The following DNM3 variants were observed in gnomAD, a reference collection of about 807,000 sequenced individuals.
DNM3 encodes the protein dynamin 3.
A neutral mutation model predicts 101.6 loss-of-function variants in DNM3; 47 were observed. The observed-to-expected ratio is 0.46, with a 90% CI of 0.37 to 0.59. The LOEUF is 0.59. Among genes scored for constraint, DNM3 ranks in the 20% least tolerant of loss-of-function variants. The pLI, the probability that DNM3 is intolerant of heterozygous loss-of-function variation, is 0.00. For missense variants in DNM3, 849 were observed against 1,085.7 expected, an observed-to-expected ratio of 0.78 and a Z score of 3.06; for synonymous variants, 385 against 387.9, an observed-to-expected ratio of 0.99 and a Z score of 0.09.
chr1:172,305,028 A>C (rs2064717005), intron 15 of DNM3, among the ~76,000 whole-genome samples: 1 of 152,242 alleles, frequency 6.6e-6, no homozygotes, highest in Admixed American at 6.5e-5. Flanking sequence ...GAAATAACTA[A>C]GATCAGAGCA....
At chr1:171,936,350 C>CAAAAA (rs2041420308) in intron 2 of DNM3, among the ~76,000 whole-genome samples, 1 of 92,944 alleles carries the variant, frequency 1.1e-5, no homozygotes, top group Non-Finnish European at 2.2e-5. Context: ...GACTCTGTCT[C>CAAAAA]AAAAAAAGAA....
At chr1:172,042,938 G>A (rs545578651) in intron 8 of DNM3, among the ~76,000 whole-genome samples, 25 of 152,262 alleles carry the variant, frequency 1.6e-4, no homozygotes, top group African/African-American at 5.8e-4. Context: ...CCAAGAGAGT[G>A]AGGAGAACAG....
chr1:172,234,773 G>A (rs1367929895), intron 14 of DNM3, among the ~76,000 whole-genome samples: 2 of 152,046 alleles, frequency 1.3e-5, no homozygotes, highest in Non-Finnish European at 1.5e-5. Context: ...TTAATAAATG[G>A]TGCTGGGAAA....
Position 172,407,493 on chromosome 1 carries a change from G to A in DNM3, c.2523-279G>A, listed in dbSNP as rs550017263. Among the ~76,000 whole-genome samples the A allele has an allele frequency of 5.9e-5, 9 of 152,042 alleles. No homozygotes were observed. In the South Asian group the frequency reaches 6.2e-4, roughly 11 times the overall value. ...CTATTGGCTAAGATATGTGCAGTAC[G>A]TTTCAGATGGCTTTCAAATAGTTTC... On this transcript the variant is annotated intron_variant, in intron 20 of 20. Coordinates refer to ENST00000627582, the MANE Select transcript of DNM3 (RefSeq NM_015569.5).
chr1:172,162,544 CT>C (rs1241431234), intron 14 of DNM3, among the ~76,000 whole-genome samples: 2 of 151,988 alleles, frequency 1.3e-5, no homozygotes, highest in Non-Finnish European at 2.9e-5. Flanking sequence ...TGTATTTCTC[CT>C]GCTTTAAACG....
At chr1:172,198,901 A>G (rs2060052078) in intron 14 of DNM3, among the ~76,000 whole-genome samples, 1 of 148,698 alleles carries the variant, frequency 6.7e-6, no homozygotes, top group Admixed American at 6.7e-5. Context: ...TTGTGTCTCA[A>G]TTTCCTTCAG....
At position 172,231,132 on chromosome 1, in the gene DNM3, G is replaced by C. The variant is rs572232085; in HGVS notation, c.1660-22441G>C. 2.1e-3 allele frequency among the ~76,000 whole-genome samples: 316 copies of C among 151,840 alleles called. 1 individual carries two copies. The highest frequency in any genetic ancestry group is 3.5e-3 in the Non-Finnish European group (235 of 67,896). On this transcript the variant is annotated intron_variant, in intron 14 of 20. Coordinates refer to ENST00000627582, the MANE Select transcript of DNM3 (RefSeq NM_015569.5). ...AACTTGGATATCCAACTACCCTACT[G>C]GGGGGTGCCTCCCAGTTAGGCTACT...
chr1:171,941,586 T>C (rs905890911), intron 2 of DNM3, among the ~76,000 whole-genome samples: 2 of 152,194 alleles, frequency 1.3e-5, no homozygotes, highest in South Asian at 2.1e-4. Context: ...ATGTCTACCA[T>C]AGAGTCCATC....
chr1:172,021,685 A>G (rs1199509399), intron 4 of DNM3, among the ~76,000 whole-genome samples: 1 of 152,100 alleles, frequency 6.6e-6, no homozygotes, highest in African/African-American at 2.4e-5. Flanking sequence ...CAGTGCACTT[A>G]TCTCTATATT....
At chr1:172,189,905 CTTA>C (rs2059646209) in intron 14 of DNM3, among the ~76,000 whole-genome samples, 1 of 151,928 alleles carries the variant, frequency 6.6e-6, no homozygotes, top group Admixed American at 6.6e-5. Flanking sequence ...TGAGCAAGAA[CTTA>C]TTTATCACCA....
In DNM3 at chr1:172,111,793, T is replaced by A. The variant is rs78725778; in HGVS notation, c.1545+18918T>A. ...AGCTTCTTTATTTGTTAAAATAGTA[T>A]AATAGATGGACTCCTTTTTTTTTTT... is the stretch of plus-strand genomic sequence containing the variant. On this transcript the variant is annotated intron_variant, in intron 13 of 20. Transcript: ENST00000627582. Among the ~76,000 whole-genome samples the A allele has an allele frequency of 5.9e-3, 890 of 150,684 alleles. 10 individuals carry two copies. The highest frequency in any genetic ancestry group is 0.02 in the African/African-American group (842 of 41,316).
At chr1:172,070,376 T>C (rs1310111817) in intron 11 of DNM3, among the ~76,000 whole-genome samples, 2 of 152,214 alleles carry the variant, frequency 1.3e-5, no homozygotes, top group Non-Finnish European at 2.9e-5. Flanking sequence ...TCAGCTGTAC[T>C]CCTGACCTTA....
At chr1:172,073,264 C>A (rs1371776435) in intron 11 of DNM3, among the ~76,000 whole-genome samples, 1 of 144,196 alleles carries the variant, frequency 6.9e-6, no homozygotes, top group Non-Finnish European at 1.5e-5. Context: ...CATACATATA[C>A]GTATATATGC....
At chr1:172,211,229 C>A (rs890950261) in intron 14 of DNM3, among the ~76,000 whole-genome samples, 1 of 151,986 alleles carries the variant, frequency 6.6e-6, no homozygotes, top group Non-Finnish European at 1.5e-5. Context: ...AGACAGAGAG[C>A]GAGATTTTTC....
chr1:172,402,850 T>C lies in DNM3; in HGVS notation c.2523-4922T>C, dbSNP rs375405227. The stretch of plus-strand genomic sequence containing the variant: ...GCATTTCTTCATCCTTCTTAAGATT[T>C]CCAGCACTTTCTCTTTTTGTTTTTA... On this transcript the variant is annotated intron_variant, in intron 20 of 20. Coordinates refer to ENST00000627582, the MANE Select transcript of DNM3 (RefSeq NM_015569.5). Among the ~76,000 whole-genome samples, 9 of 152,334 alleles carry C rather than the reference T, an allele frequency of 5.9e-5. No homozygotes were observed. The South Asian group carries it at 1.9e-3, about 32-fold the overall frequency.
At chr1:171,915,574 T>C (rs1380274771) in intron 1 of DNM3, among the ~76,000 whole-genome samples, 2 of 152,182 alleles carry the variant, frequency 1.3e-5, no homozygotes, top group African/African-American at 4.8e-5. Flanking sequence ...ATGCTGATGA[T>C]GTGGATTATG....
intron 1 of DNM3, 46 bp from the exon 2 acceptor site, chr1:171,921,702 A>T (rs1405828685): frequency 2.0e-6 from 3 of 1,492,442 alleles, no homozygotes; most frequent in East Asian, 2.4e-5. Flanking sequence ...TGTACAGGTG[A>T]TAAGAATTCC....
In DNM3 at chr1:172,310,408, A is replaced by T. The variant is rs1013497065; in HGVS notation, c.1881+1569A>T. 8.5e-5 allele frequency: 13 copies of T among 152,384 alleles called. No homozygotes were observed. The East Asian group carries it at 1.9e-3, about 23-fold the overall frequency. The allele number at this position is 152,384 out of a possible 1,614,324, so 9.4% of individuals were successfully genotyped here. ...AAGTCCTGCCCCCACTGGAGCAGAC[A>T]TTAAACAAGGGAGTGAATAACGATA... is the stretch of plus-strand genomic sequence containing the variant. On this transcript the variant is annotated intron_variant, in intron 16 of 20. Transcript: ENST00000627582.
At chr1:172,412,972 C>A (rs575869567), downstream of DNM3, among the ~76,000 whole-genome samples, 1 of 152,046 alleles carries the variant, frequency 6.6e-6, no homozygotes, top group African/African-American at 2.4e-5. Context: ...AATCGATTGA[C>A]GAACACAAAC....
Sources: gnomAD v4.1 joint callset for allele counts (sites outside exome capture counted in the v4.1 genomes callset) on GRCh38, gnomAD v4.1.1 for gene constraint, MANE v1.5 for transcripts, NCBI Gene and HGNC (gene_info 2026-07-23, HGNC 2026-07-21) for gene names.